Variants in CRYBG1 observed in about 807,000 individuals in gnomAD.
CRYBG1 encodes crystallin beta-gamma domain containing 1.
In CRYBG1, 139 loss-of-function variants were observed where a neutral mutation model predicts 189.2. That is an observed-to-expected ratio of 0.73 (90% CI 0.64 to 0.85). The LOEUF (loss-of-function observed/expected upper bound fraction) is 0.85, where lower values mean the gene tolerates loss of function less well. Among genes scored for constraint, CRYBG1 ranks in the 40% least tolerant of loss-of-function variants. CRYBG1 has a pLI of 0.00. For missense variants in CRYBG1, 2,611 were observed against 2,675.8 expected (o/e 0.98, Z 0.53); for synonymous variants, 1,023 against 1,017.1 (o/e 1.01, Z -0.11).
chr6:106,509,020 A>G (rs1325437049), intron 2 of CRYBG1, among the ~76,000 whole-genome samples: 1 of 152,128 alleles, frequency 6.6e-6, no homozygotes, highest in Non-Finnish European at 1.5e-5. Flanking sequence ...TTGCAACATC[A>G]TTGGCAGGAC....
chr6:106,448,527 C>G (rs1771713981), intron 1 of CRYBG1, among the ~76,000 whole-genome samples: 3 of 152,184 alleles, frequency 2.0e-5, no homozygotes, highest in African/African-American at 7.2e-5. Flanking sequence ...TTAGTTTATC[C>G]CCCAAATCAG....
intron 1 of CRYBG1, among the ~76,000 whole-genome samples, chr6:106,403,230 AG>A (rs1417674472): frequency 1.1e-4 from 17 of 152,152 alleles, no homozygotes; most frequent in South Asian, 1.0e-3. Flanking sequence ...CCAGCTACTC[AG>A]GAGGCTGAGG....
intron 1 of CRYBG1, among the ~76,000 whole-genome samples, chr6:106,426,143 C>T (rs1384759763): frequency 6.6e-6 from 1 of 152,140 alleles, no homozygotes; most frequent in Non-Finnish European, 1.5e-5. Flanking sequence ...CACCCACCAC[C>T]AACTTGTCTT....
chr6:106,453,673 A>C (rs976024241), intron 2 of CRYBG1, among the ~76,000 whole-genome samples: 1 of 152,246 alleles, frequency 6.6e-6, no homozygotes, highest in Non-Finnish European at 1.5e-5. Context: ...GAAGTCCAGG[A>C]AAAAATTCGT....
intron 8 of CRYBG1, 103 bp from the exon 9 acceptor site, chr6:106,539,300 C>G: frequency 7.3e-7 from 1 of 1,372,830 alleles, no homozygotes. Context: ...AGGTCCGTAT[C>G]CTCTCCTGTT....
intron 2 of CRYBG1, among the ~76,000 whole-genome samples, chr6:106,481,780 C>A (rs1181445213): frequency 2.6e-5 from 4 of 152,124 alleles, no homozygotes. Context: ...ATCCCTCAGG[C>A]CCATCAGGGT....
rs1562310906 is a variant in CRYBG1, at chr6:106,451,787, T to TGAG, written c.269_271dup (p.Glu90dup). On this transcript the variant is annotated inframe_insertion, in exon 2 of 22. Coordinates refer to ENST00000633556, the MANE Select transcript of CRYBG1 (RefSeq NM_001371242.2). Reference sequence around the variant, plus strand: ...AATCCCAGTTCTTCCACACCACCAGTGAGGCGCTTGGTTCCTTACTTCTAG... The same window carrying TGAG: ...AATCCCAGTTCTTCCACACCACCAGTGAGGAGGCGCTTGGTTCCTTACTTCTAG... 2 of 1,535,140 alleles carry TGAG rather than the reference T, an allele frequency of 1.3e-6. No individual in the cohort carries two copies. Among genetic ancestry groups the TGAG allele is most frequent in the Non-Finnish European group, 1.7e-6 (2 of 1,146,540 alleles).
intron 1 of CRYBG1, among the ~76,000 whole-genome samples, chr6:106,381,932 A>G (rs566128472): frequency 2.6e-5 from 4 of 152,314 alleles, no homozygotes; most frequent in African/African-American, 9.6e-5. Context: ...GCCAGAGTAC[A>G]TCTAAACTGC....
intron 1 of CRYBG1, among the ~76,000 whole-genome samples, chr6:106,371,947 C>T (rs1485313401): frequency 3.3e-5 from 5 of 152,190 alleles, no homozygotes; most frequent in African/African-American, 1.2e-4. Context: ...CATGAGGAAA[C>T]AACCAGTCAC....
At chr6:106,488,991 T>C (rs1487065362) in intron 2 of CRYBG1, among the ~76,000 whole-genome samples, 1 of 152,164 alleles carries the variant, frequency 6.6e-6, no homozygotes, top group Non-Finnish European at 1.5e-5. Context: ...AACGCAGCTG[T>C]TTAGACTCCC....
intron 2 of CRYBG1, among the ~76,000 whole-genome samples, chr6:106,478,848 G>T (rs1284808318): frequency 6.6e-6 from 1 of 152,222 alleles, no homozygotes; most frequent in Admixed American, 6.5e-5. Flanking sequence ...AACTGTGTGT[G>T]CAAGGGATCT....
At chr6:106,504,039 A>AAAC (rs919322078) in intron 2 of CRYBG1, among the ~76,000 whole-genome samples, 9 of 144,776 alleles carry the variant, frequency 6.2e-5, no homozygotes, top group African/African-American at 2.2e-4. Flanking sequence ...GAAAAAAAAA[A>AAAC]AAAAAAAAAC....
At chr6:106,479,024 T>A (rs926058549) in intron 2 of CRYBG1, among the ~76,000 whole-genome samples, 3 of 152,234 alleles carry the variant, frequency 2.0e-5, no homozygotes, top group African/African-American at 4.8e-5. Flanking sequence ...TCACTTAGTA[T>A]AACATTTTCA....
In CRYBG1 at chr6:106,569,255, A is replaced by T. The variant is rs1285393899; in HGVS notation, c.*689A>T. 6.6e-6 allele frequency: 1 copy of T among 152,156 alleles called. No homozygotes were observed. Among genetic ancestry groups the T allele is most frequent in the East Asian group, 1.9e-4 (1 of 5,188 alleles). The allele number at this position is 152,156 out of a possible 1,614,324, so 9.4% of individuals were successfully genotyped here. A position where few individuals can be genotyped will look rare whatever the true frequency, so the allele number is the denominator to read the frequency against. On this transcript the variant is annotated 3_prime_UTR_variant, in exon 22 of 22. Coordinates refer to ENST00000633556, the MANE Select transcript of CRYBG1 (RefSeq NM_001371242.2). ...GATTTGAGTTATTATTTTTTGAGACAGGATCTCAGGCTGGAGTGCAGTGGC... is the reference window on the plus strand; with the variant it reads ...GATTTGAGTTATTATTTTTTGAGACTGGATCTCAGGCTGGAGTGCAGTGGC...
chr6:106,521,790 C>G (rs1225982924), intron 4 of CRYBG1, among the ~76,000 whole-genome samples: 1 of 137,294 alleles, frequency 7.3e-6, no homozygotes, highest in African/African-American at 2.7e-5. Context: ...GCAATCTCAG[C>G]TCACTGCAAC....
At chr6:106,459,932 A>C (rs1771970630) in intron 2 of CRYBG1, among the ~76,000 whole-genome samples, 1 of 152,186 alleles carries the variant, frequency 6.6e-6, no homozygotes, top group African/African-American at 2.4e-5. Flanking sequence ...TATATATACT[A>C]ATATTTTCAT....
chr6:106,486,655 G>A (rs1934766), intron 2 of CRYBG1, among the ~76,000 whole-genome samples: 65,241 of 151,918 alleles, frequency 0.43, 15,419 homozygotes, highest in East Asian at 0.69. Flanking sequence ...TGTTGACTCA[G>A]TCCCTTTATC....
rs1159399903 is a variant in CRYBG1 at position 106,536,039 on chromosome 6, C to T, written c.4719-3364C>T. On this transcript the variant is annotated intron_variant, in intron 8 of 21. Transcript: ENST00000633556. ...GACCTCATGATCCACCCGCCTCGGC[C>T]TCCCAAAGTGCTGGGATTACAGGCG... 6.8e-5 allele frequency among the ~76,000 whole-genome samples: 10 copies of T among 147,582 alleles called. 5 individuals carry two copies. Among genetic ancestry groups the T allele is most frequent in the East Asian group, 4.0e-4 (2 of 5,010 alleles).
At chr6:106,443,013 A>G (rs1269376626) in intron 1 of CRYBG1, among the ~76,000 whole-genome samples, 1 of 152,204 alleles carries the variant, frequency 6.6e-6, no homozygotes, top group Non-Finnish European at 1.5e-5. Flanking sequence ...CTATTTGTAA[A>G]GTTAGAATAG....
Sources: allele counts gnomAD v4.1 joint callset (sites outside exome capture counted in the v4.1 genomes callset), GRCh38; gene constraint gnomAD v4.1.1; transcripts MANE v1.5; gene names NCBI Gene and HGNC (gene_info 2026-07-23, HGNC 2026-07-21).